DYNC2H1: variants seen among roughly 807,000 people sequenced by gnomAD.
DYNC2H1 encodes dynein cytoplasmic 2 heavy chain 1.
DYNC2H1 carries 410 observed loss-of-function variants against 570.0 expected under a neutral mutation model. The ratio of observed to expected loss-of-function variants is 0.72; its 90% CI spans 0.66 to 0.78. The LOEUF is 0.78. DYNC2H1 is among the 30% of genes least tolerant of loss of function. The pLI is 0.00. For missense variants in DYNC2H1, 4,865 were observed against 5,046.4 expected (o/e 0.96, Z 1.09); for synonymous variants, 1,688 against 1,677.6 (o/e 1.01, Z -0.15).
chr11:103,208,101 G>T (rs1292953233), intron 52 of DYNC2H1, among the ~76,000 whole-genome samples: 3 of 152,098 alleles, frequency 2.0e-5, no homozygotes. Context: ...ATTTCACTTA[G>T]TGATAATTAC....
At chr11:103,285,745 A>G (rs1290428623) in intron 73 of DYNC2H1, among the ~76,000 whole-genome samples, 1 of 152,030 alleles carries the variant, frequency 6.6e-6, no homozygotes, top group East Asian at 1.9e-4. Context: ...ATTTGATTAG[A>G]TATTCAAGGT....
chr11:103,340,202 C>T (rs1046541702), intron 82 of DYNC2H1, among the ~76,000 whole-genome samples: 8 of 152,036 alleles, frequency 5.3e-5, no homozygotes, highest in Non-Finnish European at 1.2e-4. Flanking sequence ...TTTGGTGTTC[C>T]TGCATGGGGG....
chr11:103,135,084 T>A (rs1859468964), intron 15 of DYNC2H1, among the ~76,000 whole-genome samples: 1 of 152,126 alleles, frequency 6.6e-6, no homozygotes, highest in Non-Finnish European at 1.5e-5. Flanking sequence ...TCTCATATGT[T>A]TTAAAATACG....
chr11:103,326,428 G>A lies in DYNC2H1; in HGVS notation c.12039+2438G>A, dbSNP rs1046680224. 6.6e-6 allele frequency among the ~76,000 whole-genome samples: 1 copy of A among 152,158 alleles called. No homozygotes were observed. The highest frequency in any genetic ancestry group is 2.4e-5 in the African/African-American group (1 of 41,434). ...GGGCCAGCCCTGTGGAGGGACGTAC[G>A]AACCGCCTCTGTGCTGGCCCACAAA... On this transcript the variant is annotated intron_variant, in intron 82 of 88. Coordinates refer to ENST00000375735, the MANE Select transcript of DYNC2H1 (RefSeq NM_001377.3). The surrounding 1 kb of genome is among the most constrained non-coding windows in gnomAD (Gnocchi z 6.1).
intron 87 of DYNC2H1, among the ~76,000 whole-genome samples, chr11:103,462,395 GT>G (rs1945047720): frequency 7.4e-6 from 1 of 135,654 alleles, no homozygotes; most frequent in African/African-American, 2.7e-5. Context: ...CACACGTGTT[GT>G]TTTCTTGTTT....
intron 83 of DYNC2H1, among the ~76,000 whole-genome samples, chr11:103,394,899 A>C (rs1338329390): frequency 6.6e-6 from 1 of 151,976 alleles, no homozygotes; most frequent in African/African-American, 2.4e-5. Context: ...ATCCTGTGAA[A>C]TGGGTGGCAA....
intron 79 of DYNC2H1, among the ~76,000 whole-genome samples, chr11:103,314,287 A>T (rs1445037783): frequency 6.6e-6 from 1 of 152,128 alleles, no homozygotes; most frequent in African/African-American, 2.4e-5. Context: ...TAACTCAAAC[A>T]GTAGGTAGCA....
chr11:103,326,213 G>A lies in DYNC2H1; in HGVS notation c.12039+2223G>A, dbSNP rs1292288181. Reference sequence around the variant, plus strand: ...GTTTTTTTGTTATTTCCTTGTTTTCGCAGGCACGTTCTTGGGAGTAGAGGG... The same window carrying A: ...GTTTTTTTGTTATTTCCTTGTTTTCACAGGCACGTTCTTGGGAGTAGAGGG... On this transcript the variant is annotated intron_variant, in intron 82 of 88. Transcript: ENST00000375735. This position sits in a 1 kb window ranked among gnomAD's most constrained non-coding sequence, Gnocchi z 6.1. Among the ~76,000 whole-genome samples, 1 of 151,808 alleles carries A rather than the reference G, an allele frequency of 6.6e-6. No homozygotes were observed. Among genetic ancestry groups the A allele is most frequent in the Non-Finnish European group, 1.5e-5 (1 of 67,978 alleles).
chr11:103,406,160 T>C (rs915050147), intron 84 of DYNC2H1: 5 of 152,054 alleles, frequency 3.3e-5, no homozygotes, highest in African/African-American at 1.2e-4. Context: ...AAATTAAGTG[T>C]AATTTACTTA....
chr11:103,242,244 CTATAA>C (rs1035050935), intron 63 of DYNC2H1, among the ~76,000 whole-genome samples: 1 of 152,018 alleles, frequency 6.6e-6, no homozygotes, highest in African/African-American at 2.4e-5. Context: ...AACATACATA[CTATAA>C]TAAAGTTCAA....
At position 103,268,350 on chromosome 11, in the gene DYNC2H1, C is replaced by T. The variant is rs1459358075; in HGVS notation, c.10695+8373C>T. ...GTTTATTTCTACCTTCTTCCCTTAC[C>T]TTGTCATATTCATCTGTTTTCTTGA... On this transcript the variant is annotated intron_variant, in intron 70 of 88. Coordinates refer to ENST00000375735, the MANE Select transcript of DYNC2H1 (RefSeq NM_001377.3). This position sits in a 1 kb window ranked among gnomAD's most constrained non-coding sequence, Gnocchi z 4.6. Among the ~76,000 whole-genome samples, 3 of 151,750 alleles carry T rather than the reference C, an allele frequency of 2.0e-5. No homozygotes were observed. The highest frequency in any genetic ancestry group is 2.1e-4 in the South Asian group (1 of 4,806).
In DYNC2H1 at chr11:103,156,457, G is replaced by A. The variant is rs1860825950; in HGVS notation, c.3814G>A (p.Val1272Ile). Residue 1272 changes from valine to isoleucine, a missense_variant, in exon 26 of 89, where the codon GTT (valine) becomes ATT (isoleucine). By Grantham distance (29) the Val-to-Ile change is conservative. Coordinates refer to ENST00000375735, the MANE Select transcript of DYNC2H1 (RefSeq NM_001377.3). ...EALRELDLWG[V>I]GAVFTLIDYE... ...TTTACGTGAACTTGATCTTTGGGGA[G>A]TTGGAGCAGTGTTTACATTAATTGA... 1 of 1,613,612 alleles carries A rather than the reference G, an allele frequency of 6.2e-7. No homozygotes were observed. Among genetic ancestry groups the A allele is most frequent in the Admixed American group, 1.7e-5 (1 of 59,980 alleles).
intron 83 of DYNC2H1, among the ~76,000 whole-genome samples, chr11:103,366,564 C>T (rs1235054556): frequency 2.0e-5 from 3 of 152,008 alleles, no homozygotes; most frequent in African/African-American, 7.2e-5. Flanking sequence ...TTTTACCATT[C>T]ATTCTTAATG....
At chr11:103,418,005 A>ACTT (rs1196596382) in intron 84 of DYNC2H1, among the ~76,000 whole-genome samples, 2 of 151,776 alleles carry the variant, frequency 1.3e-5, no homozygotes, top group African/African-American at 4.8e-5. Context: ...AAAAAAAAAA[A>ACTT]CTTTAGCAAA....
chr11:103,180,354 A>G (rs1296709004), intron 39 of DYNC2H1, among the ~76,000 whole-genome samples: 1 of 151,700 alleles, frequency 6.6e-6, no homozygotes, highest in Non-Finnish European at 1.5e-5. Flanking sequence ...AAATACTTTC[A>G]CATAGAGGAG....
intron 76 of DYNC2H1, among the ~76,000 whole-genome samples, chr11:103,303,773 G>T (rs11225675): frequency 0.035 from 5,267 of 152,138 alleles, 317 homozygotes; most frequent in African/African-American, 0.12. Flanking sequence ...ACTTCTGGCC[G>T]CCAGAAGTCT....
intron 70 of DYNC2H1, among the ~76,000 whole-genome samples, chr11:103,274,762 C>T (rs1865843152): frequency 6.6e-6 from 1 of 152,004 alleles, no homozygotes; most frequent in Admixed American, 6.6e-5. Context: ...TGAACAATGG[C>T]CAATTGCTTA....
chr11:103,295,017 G>A (rs975131651), intron 75 of DYNC2H1, among the ~76,000 whole-genome samples: 4 of 152,152 alleles, frequency 2.6e-5, no homozygotes, highest in East Asian at 3.9e-4. Flanking sequence ...GAGTGGTGAT[G>A]CAAGTACTCT....
chr11:103,349,047 T>G (rs1243627512), intron 82 of DYNC2H1, among the ~76,000 whole-genome samples: 1 of 152,194 alleles, frequency 6.6e-6, no homozygotes, highest in Non-Finnish European at 1.5e-5. Context: ...TCTCTTTCGT[T>G]TATAAATTAC....
Sources: gnomAD v4.1 joint callset for allele counts (sites outside exome capture counted in the v4.1 genomes callset) on GRCh38, gnomAD v4.1.1 for gene constraint, Gnocchi (gnomAD v3.1) non-coding constraint, MANE v1.5 for transcripts, NCBI Gene and HGNC (gene_info 2026-07-23, HGNC 2026-07-21) for gene names.